MCIDAS: variants seen among roughly 807,000 people sequenced by gnomAD.
The protein encoded by MCIDAS is multiciliate differentiation and DNA synthesis associated cell cycle protein.
In MCIDAS, 23 loss-of-function variants were observed where a neutral mutation model predicts 35.4. The ratio of observed to expected loss-of-function variants is 0.65; its 90% CI spans 0.47 to 0.92. The LOEUF (loss-of-function observed/expected upper bound fraction) is 0.92, where lower values mean the gene tolerates loss of function less well. Ranked by LOEUF, MCIDAS falls within the 40% of genes least tolerant of loss-of-function variation. MCIDAS has a pLI of 0.00. For synonymous variants in MCIDAS, 228 were observed against 235.2 expected (o/e 0.97, Z 0.28); for missense variants, 480 against 531.8 (o/e 0.90, Z 0.96).
intron 2 of MCIDAS, 64 bp downstream of exon 2, chr5:55,226,771 T>C: frequency 6.5e-6 from 9 of 1,394,080 alleles, no homozygotes; most frequent in Non-Finnish European, 7.4e-6. Flanking sequence ...TCCTCCGAGC[T>C]GTGCGCGCCG....
At position 55,220,438 on chromosome 5, in the gene MCIDAS, G is replaced by A. The variant is rs1745329712; in HGVS notation, c.1086C>T (p.Ala362=). The A allele has an allele frequency of 6.5e-7, 1 of 1,536,012 alleles. No individual in the cohort carries two copies. The highest frequency in any genetic ancestry group is 1.4e-5 in the African/African-American group (1 of 73,050). Residue 362 remains alanine, a synonymous_variant, in exon 7 of 7, where the codon GCC becomes GCT. Transcript: ENST00000513312. ...TGGTGAAGGCATTGCCCTGGGGGAAGGCGAGGGTGCGGATGGTGCTGTGGC... is the reference window on the plus strand; with the variant it reads ...TGGTGAAGGCATTGCCCTGGGGGAAAGCGAGGGTGCGGATGGTGCTGTGGC... The part of the protein sequence containing the change: ...IRSHSTIRTL[A]FPQGNAFTIR...
intron 5 of MCIDAS, 46 bp from the exon 6 acceptor site, chr5:55,221,172 T>C (rs1208250852): frequency 2.9e-6 from 4 of 1,393,764 alleles, no homozygotes; most frequent in Non-Finnish European, 3.9e-6. Flanking sequence ...CTGTGCTGGG[T>C]CTCGTCTGCA....
At position 55,219,580 on chromosome 5, in the gene MCIDAS, TG is replaced by T; in HGVS notation, c.*785del. On this transcript the variant is annotated 3_prime_UTR_variant, in exon 7 of 7. Coordinates refer to ENST00000513312, the MANE Select transcript of MCIDAS (RefSeq NM_001190787.3). ...GGAACACTCTTTTTCATGCGGTATA[TG>T]CTATTTTCTTAAAACAATATATATT... The T allele has an allele frequency of 6.6e-6, 1 of 150,834 alleles. No individual in the cohort carries two copies. The highest frequency in any genetic ancestry group is 1.5e-5 in the Non-Finnish European group (1 of 67,798). 9.3% of individuals were successfully genotyped at this position (150,834 alleles called of 1,614,324 possible).
Position 55,223,085 on chromosome 5 carries a change from T to C in MCIDAS, c.310-62A>G. ...CTGGCGTTAGAAAGCCTTCAATAAA[T>C]ATTGGCGTCCCTGTTAAAAATCTGG... On this transcript the variant is annotated intron_variant, in intron 3 of 6. Coordinates refer to ENST00000513312, the MANE Select transcript of MCIDAS (RefSeq NM_001190787.3). This position sits in a 1 kb window ranked among gnomAD's most constrained non-coding sequence, Gnocchi z 4.4. The C allele has an allele frequency of 1.5e-6, 2 of 1,356,934 alleles. No individual in the cohort carries two copies. The highest frequency in any genetic ancestry group is 2.0e-6 in the Non-Finnish European group (2 of 984,682). 84.1% of individuals were successfully genotyped at this position (1,356,934 alleles called of 1,614,324 possible).
chr5:55,224,023 G>T (rs1186619970), intron 3 of MCIDAS, among the ~76,000 whole-genome samples: 1 of 152,082 alleles, frequency 6.6e-6, no homozygotes, highest in Non-Finnish European at 1.5e-5. Flanking sequence ...CAGTCTCTCA[G>T]TTCATCCTCA....
rs1745339113 is a variant in MCIDAS at position 55,220,751 on chromosome 5, A to G, written c.773T>C (p.Leu258Pro). The G allele has an allele frequency of 6.5e-6, 10 of 1,534,728 alleles. 1 individual carries two copies. Among genetic ancestry groups the G allele is most frequent in the East Asian group, 2.4e-5 (1 of 40,868 alleles). Residue 258 changes from leucine (L) to proline (P), a missense_variant, in exon 7 of 7, where the codon CTC (leucine) becomes CCC (proline). Physicochemically the swap from Leu to Pro is moderately conservative, Grantham distance 98 (BLOSUM62 -3). Transcript: ENST00000513312. ...DCGAAAEPFLLKAKAKRSLEE... is the reference protein window; with the variant it reads ...DCGAAAEPFLPKAKAKRSLEE... ...CAGGCTCCTTTTGGCCTTCGCCTTG[A>G]GCAGGAAGGGCTCGGCCGCCGCCCC...
intron 4 of MCIDAS, 87 bp downstream of exon 4, chr5:55,222,864 C>T (rs1745387203): frequency 8.1e-7 from 1 of 1,240,036 alleles, no homozygotes; most frequent in East Asian, 2.5e-5. Flanking sequence ...GGGTTTACCA[C>T]CTTCACGACC....
In MCIDAS at chr5:55,227,037, C is replaced by T. The variant is rs1232343628; in HGVS notation, c.102G>A (p.Pro34=). ...ALPGRALLCK[P]GKPERKFAPP... is the part of the protein sequence containing the mutation. ...GCCCCACCTTCCTCTCCGGCTTCCC[C>T]GGCTTGCAGAGCAGCGCCCGGCCCG... The change falls in exon 1 of 7, where the codon CCG becomes CCA. Residue 34 remains proline (P), a synonymous_variant. Transcript: ENST00000513312. 4.6e-6 allele frequency: 7 copies of T among 1,519,534 alleles called. No individual in the cohort carries two copies. In the Admixed American group the frequency reaches 1.4e-4, roughly 30 times the overall value. 94.1% of individuals were successfully genotyped at this position (1,519,534 alleles called of 1,614,324 possible). A position where few individuals can be genotyped will look rare whatever the true frequency, so the allele number is the denominator to read the frequency against.
At position 55,223,918 on chromosome 5, in the gene MCIDAS, G is replaced by T. The variant is rs1745410405; in HGVS notation, c.310-895C>A. 6.6e-6 allele frequency among the ~76,000 whole-genome samples: 1 copy of T among 152,176 alleles called. No homozygotes were observed. Among genetic ancestry groups the T allele is most frequent in the African/African-American group, 2.4e-5 (1 of 41,444 alleles). On this transcript the variant is annotated intron_variant, in intron 3 of 6. Transcript: ENST00000513312. This position sits in a 1 kb window ranked among gnomAD's most constrained non-coding sequence, Gnocchi z 4.4. The stretch of plus-strand genomic sequence containing the variant: ...GGCCTCCTGCAGAGTGTCTGGGTGT[G>T]TGAGAGGAAAGGAGACCCTAAGGGG...
chr5:55,223,691 G>A lies in MCIDAS; in HGVS notation c.310-668C>T, dbSNP rs555101340. ...ATTTGAGGCCGCGTTTCCCGCCAAG[G>A]TTTGGCCCCAGCTAACCGCCCCACC... On this transcript the variant is annotated intron_variant, in intron 3 of 6. Coordinates refer to ENST00000513312, the MANE Select transcript of MCIDAS (RefSeq NM_001190787.3). The surrounding 1 kb of genome is among the most constrained non-coding windows in gnomAD (Gnocchi z 4.4). 4.6e-5 allele frequency among the ~76,000 whole-genome samples: 7 copies of A among 152,182 alleles called. No individual in the cohort carries two copies.
In MCIDAS at chr5:55,227,053, G is replaced by A. The variant is rs1207441843; in HGVS notation, c.86C>T (p.Ala29Val). 3 of 1,519,082 alleles carry A rather than the reference G, an allele frequency of 2.0e-6. No individual in the cohort carries two copies. Among genetic ancestry groups the A allele is most frequent in the Non-Finnish European group, 1.8e-6 (2 of 1,140,024 alleles). 94.1% of individuals were successfully genotyped at this position (1,519,082 alleles called of 1,614,324 possible). The part of the protein sequence containing the change: ...PNRMLALPGR[A>V]LLCKPGKPER... ...CGGCTTCCCCGGCTTGCAGAGCAGC[G>A]CCCGGCCCGGCAGTGCCAGCATTCT... The change falls in exon 1 of 7, where the codon GCG becomes GTG. Residue 29 changes from alanine to valine, a missense_variant. Coordinates refer to ENST00000513312, the MANE Select transcript of MCIDAS (RefSeq NM_001190787.3).
chr5:55,223,596 C>T lies in MCIDAS; in HGVS notation c.310-573G>A, dbSNP rs1375349135. Among the ~76,000 whole-genome samples, 3 of 152,236 alleles carry T rather than the reference C, an allele frequency of 2.0e-5. No individual in the cohort carries two copies. Among genetic ancestry groups the T allele is most frequent in the Admixed American group, 1.3e-4 (2 of 15,288 alleles). ...GGCCACCGAGCCGCCGCTGTAGGAG[C>T]TGAGAGCACGTCTTGAACACCGGAT... On this transcript the variant is annotated intron_variant, in intron 3 of 6. Transcript: ENST00000513312. This position sits in a 1 kb window ranked among gnomAD's most constrained non-coding sequence, Gnocchi z 4.4.
chr5:55,226,742 G>T, intron 2 of MCIDAS, 75 bp from the exon 3 acceptor site: 1 of 1,408,404 alleles, frequency 7.1e-7, no homozygotes, highest in Non-Finnish European at 9.2e-7. Context: ...TAGGACGTCA[G>T]AGCCCGGGGG....
At chr5:55,224,354 C>T (rs879495629) in intron 3 of MCIDAS, among the ~76,000 whole-genome samples, 4 of 152,154 alleles carry the variant, frequency 2.6e-5, no homozygotes, top group African/African-American at 4.8e-5. Flanking sequence ...CCCTTCTTTA[C>T]TATTAAAATA....
intron 3 of MCIDAS, among the ~76,000 whole-genome samples, chr5:55,225,166 T>C (rs1745434806): frequency 6.6e-6 from 1 of 152,142 alleles, no homozygotes; most frequent in Admixed American, 6.5e-5. Context: ...CATGATCATG[T>C]CACTGCCCTC....
rs1395706087 is a variant in MCIDAS at position 55,220,597 on chromosome 5, G to C, written c.927C>G (p.Pro309=). 1 of 1,536,084 alleles carries C rather than the reference G, an allele frequency of 6.5e-7. No homozygotes were observed. The highest frequency in any genetic ancestry group is 1.2e-5 in the South Asian group (1 of 84,066). The change falls in exon 7 of 7, where the codon CCC becomes CCG. Residue 309 remains proline, a synonymous_variant. Transcript: ENST00000513312. ...DPKRPRLLPE[P]ANTDTRPGNL... is the part of the protein sequence containing the mutation. ...TCCCGGGCCTGGTGTCAGTATTCGCGGGCTCTGGCAGCAGTCGGGGCCGCT... is the reference window on the plus strand; with the variant it reads ...TCCCGGGCCTGGTGTCAGTATTCGCCGGCTCTGGCAGCAGTCGGGGCCGCT...
chr5:55,226,548 CA>C, intron 3 of MCIDAS, 27 bp downstream of exon 3: 1 of 1,526,078 alleles, frequency 6.6e-7, no homozygotes, highest in Non-Finnish European at 8.8e-7. Context: ...TGCGTGAAAC[CA>C]CGAGGCTCCA....
In MCIDAS at chr5:55,220,624, G is replaced by A. The variant is rs1316277494; in HGVS notation, c.900C>T (p.Pro300=). The change falls in exon 7 of 7, where the codon CCC becomes CCT. Residue 300 remains proline (P), a synonymous_variant. Coordinates refer to ENST00000513312, the MANE Select transcript of MCIDAS (RefSeq NM_001190787.3). ...RCDEALQSRD[P]KRPRLLPEPA... Reference sequence around the variant, plus strand: ...GCTCTGGCAGCAGTCGGGGCCGCTTGGGATCGCGGCTCTGAAGGGCTTCAT... The same window carrying A: ...GCTCTGGCAGCAGTCGGGGCCGCTTAGGATCGCGGCTCTGAAGGGCTTCAT... The A allele has an allele frequency of 4.6e-6, 7 of 1,535,936 alleles. No individual in the cohort carries two copies. The South Asian group carries it at 7.1e-5, about 16-fold the overall frequency.
At chr5:55,222,779 G>T (rs561336172) in intron 4 of MCIDAS, among the ~76,000 whole-genome samples, 172 bp downstream of exon 4, 36 of 152,284 alleles carry the variant, frequency 2.4e-4, no homozygotes, top group African/African-American at 8.2e-4. Flanking sequence ...ACTTCTCCAC[G>T]GGGGAGAGAA....
Sources: allele counts gnomAD v4.1 joint callset (sites outside exome capture counted in the v4.1 genomes callset), GRCh38; gene constraint gnomAD v4.1.1; non-coding constraint Gnocchi (gnomAD v3.1); transcripts MANE v1.5; gene names NCBI Gene and HGNC (gene_info 2026-07-23, HGNC 2026-07-21).